Variants in SLIT2 observed in about 807,000 individuals in gnomAD.
The protein encoded by SLIT2 is slit guidance ligand 2.
In SLIT2, 41 loss-of-function variants were observed where a neutral mutation model predicts 185.7. The ratio of observed to expected loss-of-function variants is 0.22; its 90% confidence interval spans 0.17 to 0.29. The LOEUF (loss-of-function observed/expected upper bound fraction) is 0.29. Among genes scored for constraint, SLIT2 ranks in the 10% least tolerant of loss-of-function variants. The pLI is 1.00. For synonymous variants in SLIT2, 693 were observed against 680.2 expected (o/e 1.02, Z -0.29); for missense variants, 1,571 against 1,909.0 (o/e 0.82, Z 3.30).
intron 4 of SLIT2, among the ~76,000 whole-genome samples, chr4:20,278,227 T>G (rs987572313): frequency 1.4e-5 from 2 of 144,514 alleles, no homozygotes; most frequent in Non-Finnish European, 3.0e-5. Flanking sequence ...TGCTTATCTG[T>G]TTTTTTTTTT....
chr4:20,334,073 T>G (rs1229611550), intron 4 of SLIT2, among the ~76,000 whole-genome samples: 5 of 152,206 alleles, frequency 3.3e-5, no homozygotes, highest in Non-Finnish European at 7.4e-5. Flanking sequence ...GTATTGTATT[T>G]TCCCTATGTC....
rs1721479841 is a variant in SLIT2 at position 20,528,308 on chromosome 4, A to G, written c.1463-641A>G. 3.7e-6 allele frequency: 2 copies of G among 534,478 alleles called. No homozygotes were observed. Among genetic ancestry groups the G allele is most frequent in the African/African-American group, 1.9e-5 (1 of 51,882 alleles). The allele number at this position is 534,478 out of a possible 1,614,324, so 33.1% of individuals were successfully genotyped here. ...GTAGCGAGATTTTCTGTTGTGCTTG[A>G]TCTAACCATGTGGTTGCGAGGTATG... On this transcript the variant is annotated intron_variant, in intron 15 of 36. Transcript: ENST00000504154. The surrounding 1 kb of genome is among the most constrained non-coding windows in gnomAD (Gnocchi z 4.2).
chr4:20,534,996 C>T (rs1248668536), intron 18 of SLIT2, among the ~76,000 whole-genome samples: 1 of 152,058 alleles, frequency 6.6e-6, no homozygotes, highest in East Asian at 1.9e-4. Flanking sequence ...TTCACTCAGC[C>T]TTGTGATGAA....
intron 5 of SLIT2, among the ~76,000 whole-genome samples, chr4:20,477,681 G>C (rs778733232): frequency 1.3e-4 from 20 of 152,168 alleles, no homozygotes; most frequent in Admixed American, 5.2e-4. Context: ...TGCTAAGTTA[G>C]GTCAGCTGAA....
At chr4:20,384,900 CA>C (rs1457511634) in intron 4 of SLIT2, among the ~76,000 whole-genome samples, 1 of 152,126 alleles carries the variant, frequency 6.6e-6, no homozygotes, top group Non-Finnish European at 1.5e-5. Context: ...GCCATAGGAG[CA>C]AGTAAACAAA....
At chr4:20,519,559 TAC>T in intron 12 of SLIT2, 106 bp downstream of exon 12, 1 of 673,868 alleles carries the variant, frequency 1.5e-6, no homozygotes, top group Non-Finnish European at 2.6e-6. Flanking sequence ...CTCAAAATGA[TAC>T]AGTTTAACAA....
At chr4:20,605,885 T>C (rs1463809594) in intron 33 of SLIT2, among the ~76,000 whole-genome samples, 1 of 151,966 alleles carries the variant, frequency 6.6e-6, no homozygotes, top group Non-Finnish European at 1.5e-5. Context: ...TAGCTAGGAT[T>C]ACAGGCACCC....
chr4:20,287,611 G>T (rs115635370), intron 4 of SLIT2, among the ~76,000 whole-genome samples: 10 of 152,238 alleles, frequency 6.6e-5, no homozygotes, highest in Non-Finnish European at 1.2e-4. Context: ...CTCCTGTGAG[G>T]CTTGTTTGGA....
chr4:20,589,855 C>A, intron 30 of SLIT2, 118 bp downstream of exon 30: 4 of 592,826 alleles, frequency 6.7e-6, no homozygotes, highest in Non-Finnish European at 9.2e-6. Flanking sequence ...GGGACCTATT[C>A]ACTAGTATCA....
At chr4:20,541,833 A>G (rs1265749599) in intron 20 of SLIT2, among the ~76,000 whole-genome samples, 1 of 146,906 alleles carries the variant, frequency 6.8e-6, no homozygotes. Flanking sequence ...TGAATGTTTT[A>G]GATTTTCTAG....
chr4:20,361,276 T>TGGAAAA (rs1376870138), intron 4 of SLIT2, among the ~76,000 whole-genome samples: 1 of 152,074 alleles, frequency 6.6e-6, no homozygotes, highest in Non-Finnish European at 1.5e-5. Context: ...TTAGAGCTTT[T>TGGAAAA]CCCTCCTTCT....
intron 26 of SLIT2, among the ~76,000 whole-genome samples, chr4:20,561,979 G>C (rs906196993): frequency 2.6e-5 from 4 of 151,794 alleles, no homozygotes; most frequent in Non-Finnish European, 1.5e-5. Context: ...CCCTTTCCAT[G>C]TAATTTTGGC....
intron 4 of SLIT2, among the ~76,000 whole-genome samples, chr4:20,435,571 A>G (rs1485600780): frequency 6.6e-6 from 1 of 152,210 alleles, no homozygotes; most frequent in Non-Finnish European, 1.5e-5. Flanking sequence ...GCCACATTGA[A>G]TTGGCTCTGG....
At chr4:20,505,822 A>T (rs1329360426) in intron 9 of SLIT2, among the ~76,000 whole-genome samples, 1 of 152,014 alleles carries the variant, frequency 6.6e-6, no homozygotes, top group Non-Finnish European at 1.5e-5. Context: ...AACGTGTTAT[A>T]TATTGTTGGT....
At chr4:20,534,325 A>T (rs541631322) in intron 18 of SLIT2, among the ~76,000 whole-genome samples, 1 of 152,168 alleles carries the variant, frequency 6.6e-6, no homozygotes, top group Non-Finnish European at 1.5e-5. Context: ...TTTCAAAGAA[A>T]ACATGCTAAG....
chr4:20,454,782 C>T (rs895564578), intron 4 of SLIT2, among the ~76,000 whole-genome samples: 8 of 152,058 alleles, frequency 5.3e-5, no homozygotes, highest in African/African-American at 1.9e-4. Context: ...AAAATTATAT[C>T]ATTGCACTCT....
intron 4 of SLIT2, among the ~76,000 whole-genome samples, chr4:20,432,539 T>A (rs1435104167): frequency 6.9e-6 from 1 of 145,102 alleles, no homozygotes; most frequent in South Asian, 2.2e-4. Flanking sequence ...TTTTTTTTTT[T>A]AATACTTGGC....
intron 33 of SLIT2, among the ~76,000 whole-genome samples, chr4:20,604,412 C>A (rs549651371): frequency 6.6e-6 from 1 of 152,070 alleles, no homozygotes; most frequent in Non-Finnish European, 1.5e-5. Flanking sequence ...TGCAGTGGCG[C>A]GATCTCGGCT....
intron 29 of SLIT2, among the ~76,000 whole-genome samples, chr4:20,584,672 T>G (rs1046636720): frequency 1.3e-5 from 2 of 152,242 alleles, no homozygotes; most frequent in Non-Finnish European, 2.9e-5. Flanking sequence ...TTTGGCATGC[T>G]CTTTCACAAG....
Sources: allele counts gnomAD v4.1 joint callset (sites outside exome capture counted in the v4.1 genomes callset), GRCh38; gene constraint gnomAD v4.1.1; non-coding constraint Gnocchi (gnomAD v3.1); transcripts MANE v1.5; gene names NCBI Gene and HGNC (gene_info 2026-07-23, HGNC 2026-07-21).